The following PLCB1 variants were observed in gnomAD, a reference collection of about 807,000 sequenced individuals.
PLCB1 encodes the protein phospholipase C beta 1, also known as 1-phosphatidylinositol 4,5-bisphosphate phosphodiesterase beta-1.
Under a neutral mutation model 161.8 loss-of-function variants are expected in PLCB1, and 46 were observed. That is an observed-to-expected ratio of 0.28 (90% CI 0.22 to 0.36). The LOEUF is 0.36. Ranked by LOEUF, PLCB1 falls within the 10% of genes least tolerant of loss-of-function variation. The probability of loss-of-function intolerance (pLI) is 1.00; values close to 1 mark genes in which losing one functional copy is unlikely to be tolerated. For missense variants in PLCB1, 1,016 were observed against 1,472.5 expected (o/e 0.69, Z 5.07); for synonymous variants, 517 against 503.7 (o/e 1.03, Z -0.35).
rs1035139433 is a variant in PLCB1, at chr20:8,883,531, G to A, written c.*1682G>A. 9.2e-5 allele frequency: 14 copies of A among 152,128 alleles called. No individual in the cohort carries two copies. The highest frequency in any genetic ancestry group is 2.1e-4 in the South Asian group (1 of 4,824). The allele number at this position is 152,128 out of a possible 1,614,324, so 9.4% of individuals were successfully genotyped here. ...TAAACCTGTCTGACTGTAGCTTTGT[G>A]AAATATCTTAAAACGCAAAAACCAA... On this transcript the variant is annotated 3_prime_UTR_variant, in exon 32 of 32. Coordinates refer to ENST00000338037, the MANE Select transcript of PLCB1 (RefSeq NM_015192.4).
At chr20:8,246,895 A>G (rs1483590272) in intron 2 of PLCB1, among the ~76,000 whole-genome samples, 1 of 151,804 alleles carries the variant, frequency 6.6e-6, no homozygotes, top group East Asian at 1.9e-4. Context: ...AGCTACCCTC[A>G]TGCTCTTGAA....
intron 4 of PLCB1, 61 bp downstream of exon 4, chr20:8,628,492 C>G (rs116995749): frequency 1.2e-5 from 18 of 1,544,032 alleles, no homozygotes; most frequent in Non-Finnish European, 1.5e-5. Flanking sequence ...AGCTATCATA[C>G]TAATGCCTGC....
At chr20:8,754,549 A>G (rs925767529) in intron 23 of PLCB1, among the ~76,000 whole-genome samples, 3 of 152,184 alleles carry the variant, frequency 2.0e-5, no homozygotes, top group Non-Finnish European at 4.4e-5. Flanking sequence ...TTCATTCCCC[A>G]CATGGTTTTA....
intron 3 of PLCB1, among the ~76,000 whole-genome samples, chr20:8,420,648 T>A (rs1979501507): frequency 6.6e-6 from 1 of 152,214 alleles, no homozygotes; most frequent in Non-Finnish European, 1.5e-5. Context: ...TGTGAAACCA[T>A]AAATATTAAA....
intron 3 of PLCB1, among the ~76,000 whole-genome samples, chr20:8,515,908 T>C (rs1984087676): frequency 1.3e-5 from 2 of 152,138 alleles, no homozygotes; most frequent in Non-Finnish European, 2.9e-5. Context: ...GAATGGGTAA[T>C]TTATAAAGGA....
intron 2 of PLCB1, among the ~76,000 whole-genome samples, chr20:8,348,398 T>G (rs1170799851): frequency 6.6e-6 from 1 of 152,188 alleles, no homozygotes; most frequent in Non-Finnish European, 1.5e-5. Context: ...CTGAGCTAAA[T>G]TCTGGCAAAG....
At chr20:8,733,497 T>G (rs1223745419) in intron 19 of PLCB1, 105 bp downstream of exon 19, 1 of 961,664 alleles carries the variant, frequency 1.0e-6, no homozygotes, top group Non-Finnish European at 1.6e-6. Context: ...CTAGGAAAGA[T>G]TCTACTTTCT....
Position 8,427,296 on chromosome 20 carries a change from G to C in PLCB1, c.246+55846G>C, listed in dbSNP as rs1979827125. The stretch of plus-strand genomic sequence containing the variant: ...CTCAGATTTGTAGCATAGACTGATG[G>C]ACAGTCCTGTTTGCTCTCCCAAGCA... On this transcript the variant is annotated intron_variant, in intron 3 of 31. Transcript: ENST00000338037. 2.0e-5 allele frequency among the ~76,000 whole-genome samples: 3 copies of C among 152,146 alleles called. No individual in the cohort carries two copies. The South Asian group carries it at 6.2e-4, about 31-fold the overall frequency.
chr20:8,572,054 C>T (rs1225782888), intron 3 of PLCB1, among the ~76,000 whole-genome samples: 3 of 151,992 alleles, frequency 2.0e-5, no homozygotes, highest in Non-Finnish European at 2.9e-5. Flanking sequence ...TTGTTTATTA[C>T]GAGTTTTAAC....
At chr20:8,562,070 A>G (rs1986158016) in intron 3 of PLCB1, among the ~76,000 whole-genome samples, 2 of 152,022 alleles carry the variant, frequency 1.3e-5, no homozygotes. Context: ...GTCTTCGCTA[A>G]GTGAACTCAT....
chr20:8,638,953 T>C (rs1988854492), intron 4 of PLCB1, among the ~76,000 whole-genome samples: 1 of 150,992 alleles, frequency 6.6e-6, no homozygotes, highest in Non-Finnish European at 1.5e-5. Context: ...TTTTAATTTG[T>C]GTTTTGTTCA....
At chr20:8,732,161 G>C (rs1980286148) in intron 18 of PLCB1, 1 of 152,066 alleles carries the variant, frequency 6.6e-6, no homozygotes, top group African/African-American at 2.4e-5. Context: ...TGTAGAATTA[G>C]ATGTTAATTG....
chr20:8,662,713 A>G (rs1376746127), intron 9 of PLCB1, among the ~76,000 whole-genome samples: 2 of 151,494 alleles, frequency 1.3e-5, no homozygotes, highest in African/African-American at 4.8e-5. Context: ...TGCATTTCTA[A>G]CAAGTTACTG....
intron 3 of PLCB1, among the ~76,000 whole-genome samples, chr20:8,593,792 T>A (rs1987234002): frequency 6.6e-6 from 1 of 152,188 alleles, no homozygotes; most frequent in Non-Finnish European, 1.5e-5. Context: ...GCATGTTTTG[T>A]GACATTTTTT....
At chr20:8,825,607 G>A (rs1985656021) in intron 31 of PLCB1, among the ~76,000 whole-genome samples, 1 of 152,218 alleles carries the variant, frequency 6.6e-6, no homozygotes, top group South Asian at 2.1e-4. Flanking sequence ...AGACAGAAAT[G>A]AAACCCATAA....
intron 3 of PLCB1, among the ~76,000 whole-genome samples, chr20:8,373,578 G>T (rs192318743): frequency 2.9e-4 from 44 of 152,316 alleles, no homozygotes; most frequent in African/African-American, 7.9e-4. Flanking sequence ...CAGGTGTGGT[G>T]TGGGCATGAT....
In PLCB1 at chr20:8,884,644, G is replaced by A. The variant is rs1988110572; in HGVS notation, c.*2795G>A. The A allele has an allele frequency of 6.6e-6, 1 of 152,540 alleles. No individual in the cohort carries two copies. The highest frequency in any genetic ancestry group is 2.1e-4 in the South Asian group (1 of 4,826). The allele number at this position is 152,540 out of a possible 1,614,324, so 9.4% of individuals were successfully genotyped here. A position where few individuals can be genotyped will look rare whatever the true frequency, so the allele number is the denominator to read the frequency against. ...ACTTTGAATTTAATGTTGCGCTTGT[G>A]CACTGTGTTAATATTGTTTGTGATG... On this transcript the variant is annotated 3_prime_UTR_variant, in exon 32 of 32. Transcript: ENST00000338037.
intron 26 of PLCB1, among the ~76,000 whole-genome samples, chr20:8,771,177 A>G (rs1000651913): frequency 1.3e-5 from 2 of 152,192 alleles, no homozygotes; most frequent in Admixed American, 1.3e-4. Context: ...CAGATATCTA[A>G]GACTTCACTT....
chr20:8,328,326 A>C (rs117250522), intron 2 of PLCB1, among the ~76,000 whole-genome samples: 3 of 152,014 alleles, frequency 2.0e-5, no homozygotes, highest in Non-Finnish European at 4.4e-5. Context: ...TCATAGCTTA[A>C]ATTTGAATTT....
Sources: gnomAD v4.1 joint callset for allele counts (sites outside exome capture counted in the v4.1 genomes callset) on GRCh38, gnomAD v4.1.1 for gene constraint, MANE v1.5 for transcripts, NCBI Gene and HGNC (gene_info 2026-07-23, HGNC 2026-07-21) for gene names.